RIMS1: variants seen among roughly 807,000 people sequenced by gnomAD.
The protein encoded by RIMS1 is regulating synaptic membrane exocytosis 1.
In RIMS1, 83 loss-of-function variants were observed where a neutral mutation model predicts 214.1. The ratio of observed to expected loss-of-function variants is 0.39; its 90% CI spans 0.32 to 0.47. RIMS1 has a LOEUF of 0.47. Ranked by LOEUF, RIMS1 falls within the 20% of genes least tolerant of loss-of-function variation. The pLI, the probability that RIMS1 is intolerant of heterozygous loss-of-function variation, is 0.99. For synonymous variants in RIMS1, 793 were observed against 786.8 expected (o/e 1.01, Z -0.13); for missense variants, 2,050 against 2,161.8 (o/e 0.95, Z 1.03).
chr6:72,131,616 C>T (rs1443337651), intron 4 of RIMS1, among the ~76,000 whole-genome samples: 1 of 152,082 alleles, frequency 6.6e-6, no homozygotes, highest in Non-Finnish European at 1.5e-5. Context: ...GGAGGCAGGG[C>T]GAGATCACAG....
chr6:71,913,516 A>G (rs1777510693), intron 1 of RIMS1, among the ~76,000 whole-genome samples: 1 of 152,152 alleles, frequency 6.6e-6, no homozygotes, highest in Non-Finnish European at 1.5e-5. Flanking sequence ...CTTTGTCTAT[A>G]CTGGGAATTC....
intron 2 of RIMS1, among the ~76,000 whole-genome samples, chr6:71,973,824 C>G (rs1244413645): frequency 1.3e-5 from 2 of 152,220 alleles, no homozygotes; most frequent in Non-Finnish European, 2.9e-5. Context: ...ACACGTGCAA[C>G]TAGCTAGTGG....
chr6:72,292,884 C>G (rs766090647), intron 26 of RIMS1, among the ~76,000 whole-genome samples: 36 of 152,044 alleles, frequency 2.4e-4, no homozygotes, highest in Admixed American at 6.6e-4. Context: ...ACCTTTATCC[C>G]TATGAAACAA....
chr6:72,282,862 A>G (rs2090816355), intron 23 of RIMS1, among the ~76,000 whole-genome samples: 1 of 152,062 alleles, frequency 6.6e-6, no homozygotes, highest in Admixed American at 6.6e-5. Context: ...TAAAAGTGGT[A>G]TGTCAGATTA....
intron 4 of RIMS1, among the ~76,000 whole-genome samples, chr6:72,162,886 G>C (rs2045663233): frequency 7.2e-6 from 1 of 138,880 alleles, no homozygotes; most frequent in Admixed American, 7.4e-5. Flanking sequence ...TCTTCTCGAG[G>C]AGTATCTTTG....
intron 2 of RIMS1, among the ~76,000 whole-genome samples, chr6:72,096,698 G>A (rs951889418): frequency 2.0e-5 from 3 of 152,120 alleles, no homozygotes; most frequent in Non-Finnish European, 2.9e-5. Context: ...CATTGCTGGC[G>A]ACAAACAGGG....
At chr6:72,224,155 A>G (rs892175431) in intron 6 of RIMS1, among the ~76,000 whole-genome samples, 3 of 152,164 alleles carry the variant, frequency 2.0e-5, no homozygotes, top group Non-Finnish European at 4.4e-5. Context: ...CAATGAAAGG[A>G]ACTGTAGGTG....
intron 2 of RIMS1, among the ~76,000 whole-genome samples, chr6:72,032,921 G>C (rs1018835963): frequency 6.6e-6 from 1 of 152,154 alleles, no homozygotes; most frequent in Non-Finnish European, 1.5e-5. Context: ...GTACTGAAGG[G>C]TATATAAAAA....
intron 19 of RIMS1, among the ~76,000 whole-genome samples, chr6:72,264,568 A>C (rs550269057): frequency 1.3e-5 from 2 of 152,290 alleles, no homozygotes; most frequent in East Asian, 3.9e-4. Flanking sequence ...TTAGAACATT[A>C]AAATTCTTTT....
At chr6:71,926,674 C>T (rs1450197467) in intron 1 of RIMS1, among the ~76,000 whole-genome samples, 1 of 152,082 alleles carries the variant, frequency 6.6e-6, no homozygotes, top group Non-Finnish European at 1.5e-5. Context: ...AATGAACAAA[C>T]CTATTATAGA....
intron 2 of RIMS1, among the ~76,000 whole-genome samples, chr6:72,021,410 C>G (rs1479882369): frequency 6.6e-6 from 1 of 152,162 alleles, no homozygotes; most frequent in Non-Finnish European, 1.5e-5. Flanking sequence ...TATACAACAA[C>G]TCTTTAAACA....
intron 6 of RIMS1, among the ~76,000 whole-genome samples, chr6:72,232,561 G>A (rs2062403162): frequency 6.6e-6 from 1 of 151,600 alleles, no homozygotes; most frequent in Non-Finnish European, 1.5e-5. Flanking sequence ...TCTATGTGAA[G>A]TAAATTTTAA....
intron 2 of RIMS1, among the ~76,000 whole-genome samples, chr6:72,060,327 G>A: frequency 6.6e-6 from 1 of 152,078 alleles, no homozygotes; most frequent in East Asian, 1.9e-4. Context: ...TTGCAGCCCC[G>A]ATCTAAACAC....
chr6:72,187,479 G>GTTTTTTT (rs61420518), intron 6 of RIMS1, among the ~76,000 whole-genome samples: 1 of 125,610 alleles, frequency 8.0e-6, no homozygotes, highest in Non-Finnish European at 1.6e-5. Flanking sequence ...TATCCTTTTT[G>GTTTTTTT]TTTTTTTTTT....
At chr6:72,282,054 G>A (rs1027425276) in intron 23 of RIMS1, among the ~76,000 whole-genome samples, 13 of 151,994 alleles carry the variant, frequency 8.6e-5, no homozygotes, top group Admixed American at 2.0e-4. Context: ...ATGAATGAGT[G>A]GAAATTTTAA....
chr6:72,085,762 A>G (rs1834527137), intron 2 of RIMS1, among the ~76,000 whole-genome samples: 1 of 152,154 alleles, frequency 6.6e-6, no homozygotes, highest in Non-Finnish European at 1.5e-5. Context: ...AGCCCCTTAG[A>G]TAATTCTAAT....
At chr6:72,301,161 A>G (rs1278778115) in intron 26 of RIMS1, among the ~76,000 whole-genome samples, 1 of 151,682 alleles carries the variant, frequency 6.6e-6, no homozygotes, top group African/African-American at 2.4e-5. Flanking sequence ...ACTGTAGCAT[A>G]ATCCTTAACA....
chr6:72,018,151 T>G (rs987503285), intron 2 of RIMS1, among the ~76,000 whole-genome samples: 9 of 152,154 alleles, frequency 5.9e-5, no homozygotes, highest in Non-Finnish European at 1.0e-4. Flanking sequence ...TTGAGGGCTA[T>G]TGAAGTAATA....
At chr6:72,268,477 T>G (rs540863473) in intron 22 of RIMS1, among the ~76,000 whole-genome samples, 12 of 152,334 alleles carry the variant, frequency 7.9e-5, no homozygotes, top group African/African-American at 2.9e-4. Flanking sequence ...TGATTAACAT[T>G]TACATGCCTT....
Sources: allele counts gnomAD v4.1 joint callset (sites outside exome capture counted in the v4.1 genomes callset), GRCh38; gene constraint gnomAD v4.1.1; transcripts MANE v1.5; gene names NCBI Gene and HGNC (gene_info 2026-07-23, HGNC 2026-07-21).